The following FBXL20 variants were observed in gnomAD, a reference collection of about 807,000 sequenced individuals.
FBXL20 encodes the protein F-box and leucine rich repeat protein 20.
Under a neutral mutation model 64.0 loss-of-function variants are expected in FBXL20, and 11 were observed. The observed-to-expected ratio is 0.17, with a 90% confidence interval of 0.11 to 0.28. The LOEUF is 0.28. FBXL20 is among the 10% of genes least tolerant of loss of function. FBXL20 has a pLI of 1.00. For synonymous variants in FBXL20, 184 were observed against 189.0 expected (o/e 0.97, Z 0.22); for missense variants, 303 against 526.2 (o/e 0.58, Z 4.15).
In FBXL20 at chr17:39,264,329, G is replaced by A. The variant is rs775705789; in HGVS notation, c.1049C>T (p.Ala350Val). The change falls in exon 14 of 15, where the codon GCC becomes GTC. Residue 350 changes from alanine to valine, a missense_variant. Physicochemically the swap from Ala to Val is moderately conservative, Grantham distance 64. This residue lies in a region of FBXL20 where 246 missense variants were observed against 422.6 expected (regional missense o/e 0.58). Transcript: ENST00000264658. ...DDGIRHLGNG[A>V]CAHDQLEVIE... is the part of the protein sequence containing the mutation. ...CACCTCCAGCTGGTCATGGGCGCAG[G>A]CCCCATTCCCCAGGTGACGAATTCC... 4 of 1,613,966 alleles carry A rather than the reference G, an allele frequency of 2.5e-6. No individual in the cohort carries two copies. The Admixed American group carries it at 6.7e-5, about 27-fold the overall frequency.
At chr17:39,372,295 T>A (rs1020239623) in intron 1 of FBXL20, among the ~76,000 whole-genome samples, 2 of 151,416 alleles carry the variant, frequency 1.3e-5, no homozygotes, top group Admixed American at 1.3e-4. Flanking sequence ...CTGAGGCAGG[T>A]GGATCACAAG....
intron 5 of FBXL20, 63 bp from the exon 6 acceptor site, chr17:39,297,258 G>C: frequency 1.1e-6 from 1 of 941,160 alleles, no homozygotes; most frequent in Non-Finnish European, 1.7e-6. Context: ...CATTAAAAAA[G>C]TAATAAAATA....
At chr17:39,280,402 A>C (rs1236932898) in intron 9 of FBXL20, among the ~76,000 whole-genome samples, 4 of 8,648 alleles carry the variant, frequency 4.6e-4, no homozygotes, top group African/African-American at 1.0e-3. Flanking sequence ...ACTCTGTCTC[A>C]AAAAAAAAAA....
chr17:39,262,561 G>A (rs775904424), intron 14 of FBXL20, among the ~76,000 whole-genome samples: 3 of 152,000 alleles, frequency 2.0e-5, no homozygotes, highest in South Asian at 2.1e-4. Flanking sequence ...GATTACAGGC[G>A]TGAGCCACCG....
At chr17:39,401,719 C>A, upstream of FBXL20, 1 of 646,642 alleles carries the variant, frequency 1.5e-6, no homozygotes, top group Non-Finnish European at 2.0e-6. Flanking sequence ...TCGGAGCGCC[C>A]GGGAGGGGGA....
intron 1 of FBXL20, among the ~76,000 whole-genome samples, chr17:39,366,604 A>C (rs1461793645): frequency 6.6e-6 from 1 of 152,180 alleles, no homozygotes; most frequent in Non-Finnish European, 1.5e-5. Flanking sequence ...TGCATGTCTA[A>C]AATATGTATT....
At chr17:39,322,269 T>C (rs2047364364) in intron 2 of FBXL20, among the ~76,000 whole-genome samples, 1 of 151,994 alleles carries the variant, frequency 6.6e-6, no homozygotes, top group Non-Finnish European at 1.5e-5. Flanking sequence ...TAAAATACTT[T>C]GAGACTAACA....
In FBXL20 at chr17:39,362,448, C is replaced by T. The variant is rs191872292; in HGVS notation, c.43-19207G>A. Among the ~76,000 whole-genome samples the T allele has an allele frequency of 6.1e-3, 922 of 152,160 alleles. 16 individuals are homozygous for T. Among genetic ancestry groups the T allele is most frequent in the African/African-American group, 0.021 (878 of 41,508 alleles). ...GACCCCATCTCCTGCCTCAGCCTCC[C>T]GGGTAGCTGGGATTACAGGCATGTG... On this transcript the variant is annotated intron_variant, in intron 1 of 14. Coordinates refer to ENST00000264658, the MANE Select transcript of FBXL20 (RefSeq NM_032875.3).
chr17:39,357,739 A>G (rs2047756247), intron 1 of FBXL20, among the ~76,000 whole-genome samples: 1 of 152,190 alleles, frequency 6.6e-6, no homozygotes. Context: ...CAAGATAATA[A>G]AAGAAACATT....
chr17:39,346,673 A>G (rs1358181600), intron 1 of FBXL20, among the ~76,000 whole-genome samples: 2 of 152,106 alleles, frequency 1.3e-5, no homozygotes, highest in Non-Finnish European at 2.9e-5. Flanking sequence ...AGACTACTAG[A>G]AATGCTAATG....
intron 9 of FBXL20, among the ~76,000 whole-genome samples, chr17:39,277,435 G>T (rs1452604431): frequency 1.3e-5 from 2 of 152,138 alleles, no homozygotes; most frequent in Non-Finnish European, 2.9e-5. Flanking sequence ...GAGGAAGAAA[G>T]ATGAGTTAAG....
At chr17:39,332,818 G>A (rs557523026) in intron 2 of FBXL20, among the ~76,000 whole-genome samples, 281 of 152,100 alleles carry the variant, frequency 1.8e-3, no homozygotes, top group Non-Finnish European at 3.8e-3. Context: ...TGGGATTCCA[G>A]GCATGAGCCA....
intron 1 of FBXL20, among the ~76,000 whole-genome samples, chr17:39,358,711 CA>C (rs149702501): frequency 2.0e-5 from 3 of 150,602 alleles, no homozygotes; most frequent in Non-Finnish European, 3.0e-5. Flanking sequence ...AAAAAACAAA[CA>C]AAAAAAACAC....
intron 1 of FBXL20, among the ~76,000 whole-genome samples, chr17:39,392,951 T>C (rs1343472262): frequency 1.3e-5 from 2 of 148,168 alleles, no homozygotes; most frequent in Non-Finnish European, 3.0e-5. Context: ...CGAGATCGTG[T>C]CATCGCACTC....
At chr17:39,290,293 C>T (rs530336936) in intron 6 of FBXL20, among the ~76,000 whole-genome samples, 11 of 152,128 alleles carry the variant, frequency 7.2e-5, no homozygotes, top group African/African-American at 2.6e-4. Flanking sequence ...TGCTAGAACT[C>T]AGTGGATCTA....
chr17:39,289,296 T>C (rs565028246), intron 6 of FBXL20, among the ~76,000 whole-genome samples: 10 of 152,308 alleles, frequency 6.6e-5, no homozygotes, highest in African/African-American at 1.7e-4. Context: ...AAAAAACCTA[T>C]TGGGATTTTT....
intron 2 of FBXL20, among the ~76,000 whole-genome samples, chr17:39,336,260 AAT>A (rs1597805064): frequency 6.6e-6 from 1 of 152,242 alleles, no homozygotes; most frequent in Non-Finnish European, 1.5e-5. Flanking sequence ...TTTGTAGGTT[AAT>A]ATATGTTTGA....
chr17:39,269,608 C>T (rs1319825586), intron 11 of FBXL20, among the ~76,000 whole-genome samples: 1 of 151,736 alleles, frequency 6.6e-6, no homozygotes, highest in Admixed American at 6.6e-5. Context: ...AAGCGATTCT[C>T]CTGCCTCAGC....
chr17:39,387,022 TTTAAC>T (rs748931785), intron 1 of FBXL20, among the ~76,000 whole-genome samples: 55 of 152,218 alleles, frequency 3.6e-4, no homozygotes, highest in Non-Finnish European at 5.3e-4. Context: ...CTTACGATGG[TTTAAC>T]TTAAGATTTT....
Sources: gnomAD v4.1 joint callset for allele counts (sites outside exome capture counted in the v4.1 genomes callset) on GRCh38, gnomAD v4.1.1 for gene constraint, gnomAD v4.1.1 regional missense constraint, MANE v1.5 for transcripts, NCBI Gene and HGNC (gene_info 2026-07-23, HGNC 2026-07-21) for gene names.